Variants in ALX4 observed in about 807,000 individuals in gnomAD.
The protein encoded by ALX4 is ALX homeobox 4.
Under a neutral mutation model 40.6 loss-of-function variants are expected in ALX4, and 22 were observed. The observed-to-expected ratio is 0.54, with a 90% CI of 0.39 to 0.77. The LOEUF is 0.77. Ranked by LOEUF, ALX4 falls within the 30% of genes least tolerant of loss-of-function variation. The probability of loss-of-function intolerance (pLI) is 0.00; values close to 1 mark genes in which losing one functional copy is unlikely to be tolerated. For missense variants in ALX4, 556 were observed against 564.8 expected (o/e 0.98, Z 0.16); for synonymous variants, 266 against 240.5 (o/e 1.11, Z -0.98).
intron 2 of ALX4, among the ~76,000 whole-genome samples, chr11:44,271,119 C>T (rs1956244341): frequency 6.7e-6 from 1 of 150,244 alleles, no homozygotes; most frequent in Admixed American, 6.6e-5. Flanking sequence ...TGAACAAACA[C>T]AGCAGAGGCA....
chr11:44,303,613 G>A (rs1956448078), intron 1 of ALX4, among the ~76,000 whole-genome samples: 1 of 152,172 alleles, frequency 6.6e-6, no homozygotes, highest in South Asian at 2.1e-4. Flanking sequence ...CCTCGCCGCT[G>A]AGCCACAACT....
rs749275971 is a variant in ALX4, at chr11:44,309,729, G to GCTGGGGCTGCGT, written c.333_334insACGCAGCCCCAG (p.Gln111_Pro112insThrGlnProGln). ...GGTTGCGCGGGCGGCTGGGGCTGCG[G>GCTGGGGCTGCGT]CTGCTGCTGCTGCGGCTGCGGCTGC... On this transcript the variant is annotated inframe_insertion, in exon 1 of 4. Transcript: ENST00000652299. 2 of 1,553,010 alleles carry GCTGGGGCTGCGT rather than the reference G, an allele frequency of 1.3e-6. No individual in the cohort carries two copies. The highest frequency in any genetic ancestry group is 1.2e-5 in the South Asian group (1 of 84,944).
intron 1 of ALX4, among the ~76,000 whole-genome samples, chr11:44,297,920 T>C (rs1339525833): frequency 6.6e-6 from 1 of 152,084 alleles, no homozygotes; most frequent in African/African-American, 2.4e-5. Flanking sequence ...TGAGCTCCTA[T>C]TCAACTTTCA....
chr11:44,265,300 C>T (rs2135305695), intron 3 of ALX4, 117 bp from the exon 4 acceptor site: 2 of 1,042,934 alleles, frequency 1.9e-6, no homozygotes, highest in Non-Finnish European at 1.4e-6. Context: ...TGAAGCCCCT[C>T]TTGAGTGTTT....
chr11:44,309,790 C>T lies in ALX4; in HGVS notation c.273G>A (p.Gln91=). The T allele has an allele frequency of 6.4e-7, 1 of 1,550,400 alleles. No individual in the cohort carries two copies. Among genetic ancestry groups the T allele is most frequent in the Non-Finnish European group, 8.7e-7 (1 of 1,147,146 alleles). ...GGGGCTGCGGGGTCGACGGCTGGGG[C>T]TGGAACTTGTTAAAGGAGCCCCGCG... ...AGARGSFNKF[Q]PQPSTPQPQP... The change falls in exon 1 of 4, where the codon CAG becomes CAA. Residue 91 remains glutamine, a synonymous_variant. Coordinates refer to ENST00000652299, the MANE Select transcript of ALX4 (RefSeq NM_021926.4).
intron 1 of ALX4, among the ~76,000 whole-genome samples, chr11:44,280,445 A>ATAAGGCATAAG: frequency 6.6e-6 from 1 of 152,342 alleles, no homozygotes. Flanking sequence ...CATAAGGCTG[A>ATAAGGCATAAG]GCAGCAACAG....
chr11:44,281,363 G>A (rs1352151643), intron 1 of ALX4, among the ~76,000 whole-genome samples: 1 of 152,090 alleles, frequency 6.6e-6, no homozygotes. Flanking sequence ...TTGTGTGTGG[G>A]TGCAGATCCG....
chr11:44,281,091 G>A (rs1956307369), intron 1 of ALX4, among the ~76,000 whole-genome samples: 2 of 152,084 alleles, frequency 1.3e-5, no homozygotes, highest in African/African-American at 2.4e-5. Flanking sequence ...GGTTTCCAAA[G>A]GTGACTGATT....
intron 1 of ALX4, among the ~76,000 whole-genome samples, chr11:44,303,275 T>G (rs1956445345): frequency 1.3e-5 from 2 of 152,130 alleles, no homozygotes; most frequent in Non-Finnish European, 2.9e-5. Context: ...GAATCTGCTT[T>G]AAGAATCCGA....
chr11:44,266,820 G>A (rs1382944893), intron 3 of ALX4, among the ~76,000 whole-genome samples: 1 of 152,164 alleles, frequency 6.6e-6, no homozygotes, highest in Admixed American at 6.5e-5. Context: ...CAGGGGACTG[G>A]CTGACAGACA....
rs35856858 is a variant in ALX4, at chr11:44,273,190, TAAAA to T, written c.777+2154_777+2157del. On this transcript the variant is annotated intron_variant, in intron 2 of 3. Coordinates refer to ENST00000652299, the MANE Select transcript of ALX4 (RefSeq NM_021926.4). ...CTGAGCTGCATGGCGCTTTGCTGAT[TAAAA>T]AAAAAAAAAAAAAAAAGATTTCTCT... Among the ~76,000 whole-genome samples the T allele has an allele frequency of 7.4e-3, 1,018 of 137,582 alleles. 13 individuals are homozygous for T. The highest frequency in any genetic ancestry group is 0.025 in the African/African-American group (928 of 37,200). The allele number at this position is 137,582 out of a possible 152,430, so 90.3% of individuals were successfully genotyped here.
At chr11:44,309,573 C>T (rs2119923131) in intron 1 of ALX4, 24 bp downstream of exon 1, 1 of 1,561,410 alleles carries the variant, frequency 6.4e-7, no homozygotes, top group Middle Eastern at 2.2e-4. Context: ...TCCCCAGCAC[C>T]AGGTGACCCG....
At chr11:44,291,495 G>A (rs1462481276) in intron 1 of ALX4, among the ~76,000 whole-genome samples, 1 of 151,276 alleles carries the variant, frequency 6.6e-6, no homozygotes, top group Non-Finnish European at 1.5e-5. Flanking sequence ...TGCAACCTCC[G>A]CCTTCTGGGT....
chr11:44,279,888 C>CTAT (rs1956298971), intron 1 of ALX4, among the ~76,000 whole-genome samples: 2 of 151,906 alleles, frequency 1.3e-5, no homozygotes, highest in Non-Finnish European at 3.0e-5. Context: ...CAGGATAGGT[C>CTAT]AGGTGGCAGA....
intron 1 of ALX4, among the ~76,000 whole-genome samples, chr11:44,276,950 G>A (rs771142920): frequency 3.3e-5 from 5 of 152,102 alleles, no homozygotes; most frequent in African/African-American, 4.8e-5. Context: ...CCATGGATCG[G>A]TACTGGTCCA....
chr11:44,300,144 T>C (rs904283972), intron 1 of ALX4, among the ~76,000 whole-genome samples: 1 of 152,130 alleles, frequency 6.6e-6, no homozygotes, highest in African/African-American at 2.4e-5. Flanking sequence ...CCTTCCCCCT[T>C]TCCTGGTACA....
At chr11:44,280,947 G>T (rs553757350) in intron 1 of ALX4, among the ~76,000 whole-genome samples, 14 of 152,226 alleles carry the variant, frequency 9.2e-5, no homozygotes, top group Non-Finnish European at 1.8e-4. Flanking sequence ...CTGGCTGTTG[G>T]ATTTCAGCTG....
intron 1 of ALX4, among the ~76,000 whole-genome samples, chr11:44,290,021 A>G (rs1956360477): frequency 6.6e-6 from 1 of 152,210 alleles, no homozygotes; most frequent in Non-Finnish European, 1.5e-5. Context: ...GGCCCAGAGC[A>G]AGGTCATACT....
intron 1 of ALX4, among the ~76,000 whole-genome samples, chr11:44,285,589 A>G (rs2119836533): frequency 6.6e-6 from 1 of 152,116 alleles, no homozygotes; most frequent in South Asian, 2.1e-4. Context: ...CTCAGCTACC[A>G]CGGTGTCCCC....
Sources: gnomAD v4.1 joint callset for allele counts (sites outside exome capture counted in the v4.1 genomes callset) on GRCh38, gnomAD v4.1.1 for gene constraint, MANE v1.5 for transcripts, NCBI Gene and HGNC (gene_info 2026-07-23, HGNC 2026-07-21) for gene names.